KIAA1217: variants seen among roughly 807,000 people sequenced by gnomAD.
The protein encoded by KIAA1217 is sickle tail protein homolog.
Under a neutral mutation model 163.9 loss-of-function variants are expected in KIAA1217, and 88 were observed. The ratio of observed to expected loss-of-function variants is 0.54; its 90% confidence interval spans 0.45 to 0.64. The LOEUF (loss-of-function observed/expected upper bound fraction) is 0.64. Ranked by LOEUF, KIAA1217 falls within the 30% of genes least tolerant of loss-of-function variation. The pLI is 0.00. For synonymous variants in KIAA1217, 903 were observed against 923.1 expected, an observed-to-expected ratio of 0.98 and a Z score of 0.39; for missense variants, 2,372 against 2,475.0, an observed-to-expected ratio of 0.96 and a Z score of 0.88.
At chr10:24,205,570 G>A (rs1052135638), upstream of KIAA1217, among the ~76,000 whole-genome samples, 1 of 151,884 alleles carries the variant, frequency 6.6e-6, no homozygotes, top group Admixed American at 6.6e-5. Flanking sequence ...TCAGGAGATC[G>A]AGACCATTCT....
intron 1 of KIAA1217, among the ~76,000 whole-genome samples, chr10:23,710,833 C>T (rs1186616440): frequency 2.6e-5 from 4 of 152,160 alleles, no homozygotes; most frequent in African/African-American, 9.7e-5. Context: ...GGAATGGGTA[C>T]AATGAGTATA....
chr10:24,540,762 C>CAT (rs986746971), intron 17 of KIAA1217, among the ~76,000 whole-genome samples: 58 of 152,066 alleles, frequency 3.8e-4, no homozygotes, highest in East Asian at 5.8e-4. Context: ...AATTCATTTA[C>CAT]ATATATATAT....
At chr10:24,100,693 A>T (rs1251791640) in intron 2 of KIAA1217, among the ~76,000 whole-genome samples, 3 of 152,184 alleles carry the variant, frequency 2.0e-5, no homozygotes, top group African/African-American at 7.2e-5. Flanking sequence ...CCCTTTTCAA[A>T]CTATTTTGCA....
At chr10:24,471,471 AT>A (rs200508387) in intron 5 of KIAA1217, among the ~76,000 whole-genome samples, 18,396 of 147,894 alleles carry the variant, frequency 0.12, 1,247 homozygotes, top group East Asian at 0.16. Context: ...ATCCTGAGTT[AT>A]TTTTTTTTTT....
chr10:24,215,124 G>A (rs1298091075), intron 1 of KIAA1217, among the ~76,000 whole-genome samples: 1 of 152,182 alleles, frequency 6.6e-6, no homozygotes, highest in East Asian at 1.9e-4. Flanking sequence ...CCTAGCCTGG[G>A]AGCTCCTTGG....
intron 2 of KIAA1217, among the ~76,000 whole-genome samples, chr10:24,083,964 A>G (rs2061613729): frequency 6.6e-6 from 1 of 152,196 alleles, no homozygotes. Flanking sequence ...ATGAGGAGCT[A>G]GGCTTCAGGA....
intron 6 of KIAA1217, among the ~76,000 whole-genome samples, chr10:24,483,683 G>A (rs757515419): frequency 4.6e-5 from 7 of 152,060 alleles, no homozygotes; most frequent in South Asian, 4.1e-4. Context: ...TCCTGACACC[G>A]TCTCTCATTT....
At chr10:23,766,027 G>T (rs1435285785) in intron 1 of KIAA1217, among the ~76,000 whole-genome samples, 1 of 152,212 alleles carries the variant, frequency 6.6e-6, no homozygotes, top group African/African-American at 2.4e-5. Flanking sequence ...AAGGTGATTT[G>T]CAGGCAAAAC....
At position 24,274,978 on chromosome 10, in the gene KIAA1217, A is replaced by C. The variant is rs373013968; in HGVS notation, c.354+55069A>C. 4.5e-4 allele frequency among the ~76,000 whole-genome samples: 69 copies of C among 152,186 alleles called. 1 individual carries two copies. The highest frequency in any genetic ancestry group is 1.2e-3 in the African/African-American group (50 of 41,512). On this transcript the variant is annotated intron_variant, in intron 2 of 20. Transcript: ENST00000376454. ...GTAGATGCCGGGTCTCGCCCTCTTG[A>C]CCAGGCTGGAGTGCAGTGACACAAT...
At chr10:24,532,059 C>T (rs1015153586) in intron 15 of KIAA1217, 66 bp downstream of exon 15, 30 of 1,353,352 alleles carry the variant, frequency 2.2e-5, no homozygotes, top group Non-Finnish European at 2.8e-5. Context: ...ACAAGGTTCT[C>T]TCTGTTGGAA....
chr10:24,033,718 TAC>T lies in KIAA1217; in HGVS notation c.-171+26346_-171+26347del, dbSNP rs373919744. Reference sequence around the variant, plus strand: ...GAAACAGGAATCAGAATACTATGCATACATGGTTTTAACTGGCTGCTACTGAA... The same window carrying T: ...GAAACAGGAATCAGAATACTATGCATATGGTTTTAACTGGCTGCTACTGAA... On this transcript the variant is annotated intron_variant, in intron 2 of 18. Transcript: ENST00000376462. Among the ~76,000 whole-genome samples the T allele has an allele frequency of 2.0e-3, 303 of 152,330 alleles. 1 individual carries two copies. The highest frequency in any genetic ancestry group is 7.0e-3 in the African/African-American group (291 of 41,574).
At chr10:24,143,947 T>C (rs2064195729) in intron 2 of KIAA1217, among the ~76,000 whole-genome samples, 1 of 152,172 alleles carries the variant, frequency 6.6e-6, no homozygotes, top group Non-Finnish European at 1.5e-5. Flanking sequence ...ACTCAATGAA[T>C]CATGGACTTC....
At position 24,544,859 on chromosome 10, in the gene KIAA1217, G is replaced by A. The variant is rs138311466; in HGVS notation, c.5212-122G>A. On this transcript the variant is annotated intron_variant, in intron 19 of 20. Transcript: ENST00000376454. ...ACCCCAGTTGGTGTCTCCTAGATCT[G>A]TCCTGCATGTAGGGCTGTGGCTTCT... The A allele has an allele frequency of 3.3e-3, 3,449 of 1,057,270 alleles. 18 individuals are homozygous for A. Among genetic ancestry groups the A allele is most frequent in the South Asian group, 0.015 (1,021 of 67,850 alleles). The allele number at this position is 1,057,270 out of a possible 1,614,324, so 65.5% of individuals were successfully genotyped here. A position where few individuals can be genotyped will look rare whatever the true frequency, so the allele number is the denominator to read the frequency against.
At chr10:24,337,087 A>G (rs1564494993) in intron 2 of KIAA1217, among the ~76,000 whole-genome samples, 1 of 152,242 alleles carries the variant, frequency 6.6e-6, no homozygotes, top group Non-Finnish European at 1.5e-5. Context: ...TAAAACTTTT[A>G]TGCGTCAAAG....
intron 2 of KIAA1217, among the ~76,000 whole-genome samples, chr10:24,019,549 C>A (rs1223303581): frequency 6.6e-6 from 1 of 151,804 alleles, no homozygotes; most frequent in Non-Finnish European, 1.5e-5. Context: ...CAGGGGAGGG[C>A]AGACTTCTGT....
intron 1 of KIAA1217, among the ~76,000 whole-genome samples, chr10:23,870,424 T>C (rs1315500103): frequency 2.6e-5 from 4 of 152,092 alleles, no homozygotes; most frequent in African/African-American, 9.7e-5. Context: ...AAGGCCATAT[T>C]GAGTCAAGCC....
At chr10:24,159,372 T>C (rs2065015921) in intron 2 of KIAA1217, among the ~76,000 whole-genome samples, 1 of 152,182 alleles carries the variant, frequency 6.6e-6, no homozygotes. Flanking sequence ...TGGGACACTT[T>C]GCACAACAGT....
chr10:24,226,196 A>C (rs758746661), intron 2 of KIAA1217, among the ~76,000 whole-genome samples: 5 of 152,100 alleles, frequency 3.3e-5, no homozygotes, highest in Non-Finnish European at 7.3e-5. Flanking sequence ...CTTTTCATTC[A>C]TTATGGGCCT....
intron 16 of KIAA1217, among the ~76,000 whole-genome samples, chr10:24,533,713 A>G (rs193133738): frequency 1.4e-3 from 209 of 152,324 alleles, no homozygotes; most frequent in African/African-American, 4.8e-3. Flanking sequence ...TCCCTGTTCA[A>G]TATCAATGTC....
Sources: allele counts gnomAD v4.1 joint callset (sites outside exome capture counted in the v4.1 genomes callset), GRCh38; gene constraint gnomAD v4.1.1; transcripts MANE v1.5; gene names NCBI Gene and HGNC (gene_info 2026-07-23, HGNC 2026-07-21).